The following PCGF5 variants were observed in gnomAD, a reference collection of about 807,000 sequenced individuals.
The protein encoded by PCGF5 is polycomb group ring finger 5.
A neutral mutation model predicts 44.3 loss-of-function variants in PCGF5; 9 were observed. That is an observed-to-expected ratio of 0.20 (90% CI 0.12 to 0.35). The LOEUF is 0.35. PCGF5 is among the 10% of genes least tolerant of loss of function. The pLI is 1.00. For synonymous variants in PCGF5, 95 were observed against 102.5 expected, an observed-to-expected ratio of 0.93 and a Z score of 0.44; for missense variants, 146 against 305.3, an observed-to-expected ratio of 0.48 and a Z score of 3.89.
intron 2 of PCGF5, among the ~76,000 whole-genome samples, chr10:91,229,229 A>G (rs1844935811): frequency 6.6e-6 from 1 of 152,246 alleles, no homozygotes; most frequent in East Asian, 1.9e-4. Context: ...ACTGCAACAC[A>G]GCAATAAATA....
chr10:91,271,469 G>A (rs758928038), intron 8 of PCGF5, among the ~76,000 whole-genome samples, 169 bp from the exon 9 acceptor site: 1 of 152,144 alleles, frequency 6.6e-6, no homozygotes, highest in Non-Finnish European at 1.5e-5. Context: ...CAGTTACTAA[G>A]TTATTAAAAT....
At chr10:91,225,577 G>A (rs571504737) in intron 2 of PCGF5, among the ~76,000 whole-genome samples, 1 of 151,684 alleles carries the variant, frequency 6.6e-6, no homozygotes, top group South Asian at 2.1e-4. Context: ...TGAGGATTCC[G>A]GTAGCACTAA....
intron 1 of PCGF5, among the ~76,000 whole-genome samples, chr10:91,170,113 G>A (rs1333800694): frequency 2.0e-5 from 3 of 152,168 alleles, no homozygotes; most frequent in Admixed American, 6.5e-5. Context: ...GACTTCACCC[G>A]TGTCCCAAAA....
At chr10:91,168,693 C>T (rs187418818) in intron 1 of PCGF5, among the ~76,000 whole-genome samples, 2 of 152,020 alleles carry the variant, frequency 1.3e-5, no homozygotes, top group African/African-American at 4.8e-5. Flanking sequence ...CTTTGGGAGG[C>T]CGAGGTGGGC....
intron 1 of PCGF5, among the ~76,000 whole-genome samples, chr10:91,175,697 A>C (rs1397993132): frequency 6.6e-6 from 1 of 152,254 alleles, no homozygotes; most frequent in Non-Finnish European, 1.5e-5. Context: ...AATGCAAGGA[A>C]AAGAAAATAA....
rs80352585 is a variant in PCGF5, at chr10:91,243,810, T to G, written c.209+3230T>G. 3.6e-3 allele frequency among the ~76,000 whole-genome samples: 556 copies of G among 152,366 alleles called. 4 individuals carry two copies. The highest frequency in any genetic ancestry group is 6.6e-3 in the Non-Finnish European group (450 of 68,044). Reference sequence around the variant, plus strand: ...TTAATATATAGCAAAACATTAAAGTTAGTTTTATATAAAAAGTATAAAGTA... The same window carrying G: ...TTAATATATAGCAAAACATTAAAGTGAGTTTTATATAAAAAGTATAAAGTA... On this transcript the variant is annotated intron_variant, in intron 3 of 9. Transcript: ENST00000336126.
intron 6 of PCGF5, among the ~76,000 whole-genome samples, chr10:91,255,186 G>A (rs1480015882): frequency 1.3e-5 from 2 of 151,988 alleles, no homozygotes. Context: ...GGGGGAAAGG[G>A]GCATTTGTCA....
At position 91,284,175 on chromosome 10, in the gene PCGF5, C is replaced by CT. The variant is rs534041249; in HGVS notation, c.*5870dup. On this transcript the variant is annotated 3_prime_UTR_variant, in exon 10 of 10. Coordinates refer to ENST00000336126, the MANE Select transcript of PCGF5 (RefSeq NM_032373.5). ...TATAATTGTACTGTTGGGCTAGATA[C>CT]TTTTTTTTTTTAATCTGGACTTAGC... The CT allele has an allele frequency of 0.033, 4,780 of 145,740 alleles. 100 individuals are homozygous for CT. Among genetic ancestry groups the CT allele is most frequent in the South Asian group, 0.044 (201 of 4,562 alleles). The allele number at this position is 145,740 out of a possible 1,614,324, so 9.0% of individuals were successfully genotyped here. A position where few individuals can be genotyped will look rare whatever the true frequency, so the allele number is the denominator to read the frequency against.
chr10:91,276,403 G>A (rs1482389331), intron 9 of PCGF5, among the ~76,000 whole-genome samples: 1 of 152,096 alleles, frequency 6.6e-6, no homozygotes, highest in Non-Finnish European at 1.5e-5. Flanking sequence ...TGAAACGCAG[G>A]TCTATTTAGT....
intron 3 of PCGF5, among the ~76,000 whole-genome samples, 198 bp from the exon 4 acceptor site, chr10:91,248,307 G>T (rs12267158): frequency 0.13 from 19,785 of 152,030 alleles, 2,410 homozygotes; most frequent in African/African-American, 0.32. Flanking sequence ...TGGGGACTGG[G>T]ACCATTTTTG....
chr10:91,254,243 T>C (rs1845694102), intron 6 of PCGF5, among the ~76,000 whole-genome samples: 1 of 149,746 alleles, frequency 6.7e-6, no homozygotes, highest in African/African-American at 2.5e-5. Flanking sequence ...GGAAACCATA[T>C]ATCTGACAAA....
intron 1 of PCGF5, among the ~76,000 whole-genome samples, chr10:91,183,977 TCTCA>T (rs989976214): frequency 1.3e-5 from 2 of 151,922 alleles, no homozygotes; most frequent in African/African-American, 4.9e-5. Flanking sequence ...GGCCTTTCTT[TCTCA>T]CTGTCTTTAA....
chr10:91,201,765 T>C (rs1258278993), intron 1 of PCGF5, among the ~76,000 whole-genome samples: 1 of 152,078 alleles, frequency 6.6e-6, no homozygotes, highest in Non-Finnish European at 1.5e-5. Flanking sequence ...GATGAAATTT[T>C]GTTTAAGTGT....
At chr10:91,220,072 G>C (rs1367300191), upstream of PCGF5, 1 of 150,636 alleles carries the variant, frequency 6.6e-6, no homozygotes, top group Non-Finnish European at 1.5e-5. Context: ...ACTAGAAAGA[G>C]TACTGGGTTT....
At chr10:91,243,417 C>G (rs773583558) in intron 3 of PCGF5, among the ~76,000 whole-genome samples, 1 of 152,152 alleles carries the variant, frequency 6.6e-6, no homozygotes, top group African/African-American at 2.4e-5. Flanking sequence ...TCATTAGAAG[C>G]CTAAATTGCC....
chr10:91,189,579 C>T (rs1468023304), intron 1 of PCGF5, among the ~76,000 whole-genome samples: 1 of 152,096 alleles, frequency 6.6e-6, no homozygotes, highest in African/African-American at 2.4e-5. Context: ...ACCAAATATC[C>T]AAGCTGATAA....
intron 1 of PCGF5, among the ~76,000 whole-genome samples, chr10:91,197,163 G>A (rs1844148857): frequency 6.6e-6 from 1 of 152,218 alleles, no homozygotes; most frequent in African/African-American, 2.4e-5. Context: ...CACAGTTTCT[G>A]TGAGTCAGGA....
intron 2 of PCGF5, among the ~76,000 whole-genome samples, chr10:91,239,026 C>T (rs895361937): frequency 3.3e-4 from 50 of 152,160 alleles, no homozygotes; most frequent in African/African-American, 1.1e-3. Context: ...CAAAACTGCT[C>T]AAATGTCACC....
In PCGF5 at chr10:91,240,648, A is replaced by AC; in HGVS notation, c.209+68_209+69insC. 3.2e-6 allele frequency: 3 copies of AC among 943,424 alleles called. No individual in the cohort carries two copies. The East Asian group carries it at 7.6e-5, about 24-fold the overall frequency. The allele number at this position is 943,424 out of a possible 1,614,324, so 58.4% of individuals were successfully genotyped here. A position where few individuals can be genotyped will look rare whatever the true frequency, so the allele number is the denominator to read the frequency against. On this transcript the variant is annotated intron_variant, in intron 3 of 9. Coordinates refer to ENST00000336126, the MANE Select transcript of PCGF5 (RefSeq NM_032373.5). ...TGAATAGGCTCTTAATTTTTATTGT[A>AC]TGTCATAATATTTCATGTTGTCTTG...
Sources: gnomAD v4.1 joint callset for allele counts (sites outside exome capture counted in the v4.1 genomes callset) on GRCh38, gnomAD v4.1.1 for gene constraint, MANE v1.5 for transcripts, NCBI Gene and HGNC (gene_info 2026-07-23, HGNC 2026-07-21) for gene names.